Variants in ACKR3 observed in about 807,000 individuals in gnomAD.
ACKR3 encodes C-X-C chemokine receptor type 7.
ACKR3 carries 6 observed loss-of-function variants against 22.4 expected under a neutral mutation model. The ratio of observed to expected loss-of-function variants is 0.27; its 90% CI spans 0.15 to 0.53. ACKR3 has a LOEUF of 0.53. ACKR3 is among the 20% of genes least tolerant of loss of function. ACKR3 has a pLI of 0.96. For missense variants in ACKR3, 396 were observed against 475.2 expected, an observed-to-expected ratio of 0.83 and a Z score of 1.55; for synonymous variants, 209 against 205.2, an observed-to-expected ratio of 1.02 and a Z score of -0.16.
At chr2:236,576,784 A>C (rs1449237707) in intron 1 of ACKR3, among the ~76,000 whole-genome samples, 2 of 152,232 alleles carry the variant, frequency 1.3e-5, no homozygotes, top group African/African-American at 4.8e-5. Context: ...GTCAAATAAT[A>C]ATCTGTTTGC....
the ACKR3 span, among the ~76,000 whole-genome samples, chr2:236,545,380 G>A: frequency 1.5e-4 from 23 of 152,228 alleles, no homozygotes; most frequent in East Asian, 3.5e-3. The surrounding 1 kb of genome is among the most constrained non-coding windows in gnomAD (Gnocchi z 5.3). Context: ...CAGGCTTTCC[G>A]CTTCATTTAC....
chr2:236,540,840 A>G, the ACKR3 span, among the ~76,000 whole-genome samples: 2 of 152,240 alleles, frequency 1.3e-5, no homozygotes, highest in African/African-American at 4.8e-5. Flanking sequence ...ATCCTGCTCC[A>G]TGAATTTGCA....
chr2:236,571,025 C>G (rs1691296753), intron 1 of ACKR3, among the ~76,000 whole-genome samples: 1 of 152,164 alleles, frequency 6.6e-6, no homozygotes, highest in Admixed American at 6.5e-5. Flanking sequence ...TTTTTAAAGG[C>G]AGATGCTGCT....
chr2:236,554,020 C>T, the ACKR3 span, among the ~76,000 whole-genome samples: 1 of 152,156 alleles, frequency 6.6e-6, no homozygotes, highest in Non-Finnish European at 1.5e-5. Flanking sequence ...CATGAGGACA[C>T]AGTACACCAG....
Position 236,577,497 on chromosome 2 carries a change from G to T in ACKR3, c.-26-2943G>T, listed in dbSNP as rs938774455. The stretch of plus-strand genomic sequence containing the variant: ...GAAGGCTGCTGGTAGCTCAAAGCGG[G>T]TGAGTGTCTATTTTGTGCTAAGAGT... On this transcript the variant is annotated intron_variant, in intron 1 of 1. Coordinates refer to ENST00000272928, the MANE Select transcript of ACKR3 (RefSeq NM_020311.3). The surrounding 1 kb of genome is among the most constrained non-coding windows in gnomAD (Gnocchi z 5.6). Among the ~76,000 whole-genome samples, 1 of 152,132 alleles carries T rather than the reference G, an allele frequency of 6.6e-6. No individual in the cohort carries two copies. The highest frequency in any genetic ancestry group is 1.5e-5 in the Non-Finnish European group (1 of 68,018).
the ACKR3 span, among the ~76,000 whole-genome samples, chr2:236,540,915 AC>A: frequency 6.6e-6 from 1 of 152,234 alleles, no homozygotes; most frequent in Non-Finnish European, 1.5e-5. Flanking sequence ...TATTTAAATC[AC>A]TTGTACCCAA....
At chr2:236,544,014 A>G in the ACKR3 span, among the ~76,000 whole-genome samples, 30,245 of 123,520 alleles carry the variant, frequency 0.24, 4,985 homozygotes, top group African/African-American at 0.47. This position sits in a 1 kb window ranked among gnomAD's most constrained non-coding sequence, Gnocchi z 5.0. Flanking sequence ...TTTTTGAGAC[A>G]GAGTCTTGCT....
the ACKR3 span, among the ~76,000 whole-genome samples, chr2:236,556,994 C>T: frequency 6.6e-6 from 1 of 152,132 alleles, no homozygotes; most frequent in African/African-American, 2.4e-5. Context: ...GGCCATTTGT[C>T]TTGTTTTAAG....
At chr2:236,547,785 A>C in the ACKR3 span, among the ~76,000 whole-genome samples, 4 of 151,974 alleles carry the variant, frequency 2.6e-5, no homozygotes, top group Non-Finnish European at 5.9e-5. Context: ...TTCTTTGTGC[A>C]GTCTGCCTTT....
the ACKR3 span, among the ~76,000 whole-genome samples, chr2:236,539,306 C>CTTTTTTTTTTTTTT: frequency 7.5e-4 from 90 of 120,736 alleles, no homozygotes; most frequent in African/African-American, 2.0e-3. Flanking sequence ...TTTTTCTTTT[C>CTTTTTTTTTTTTTT]TTTTTTTTTT....
chr2:236,571,556 G>A (rs564071493), intron 1 of ACKR3, among the ~76,000 whole-genome samples: 6 of 142,224 alleles, frequency 4.2e-5, no homozygotes, highest in African/African-American at 1.6e-4. Flanking sequence ...TCGTTGAAGC[G>A]TTGAGAAGGT....
chr2:236,544,462 G>A, the ACKR3 span, among the ~76,000 whole-genome samples: 1 of 152,188 alleles, frequency 6.6e-6, no homozygotes, highest in East Asian at 1.9e-4. The surrounding 1 kb of genome is among the most constrained non-coding windows in gnomAD (Gnocchi z 5.0). Flanking sequence ...GCAGGTCGGA[G>A]AAAATGACTG....
the ACKR3 span, among the ~76,000 whole-genome samples, chr2:236,540,228 T>C: frequency 1.3e-5 from 2 of 152,246 alleles, no homozygotes; most frequent in Non-Finnish European, 2.9e-5. Flanking sequence ...ATTGTAGTAA[T>C]TGTAAAATAG....
upstream of ACKR3, among the ~76,000 whole-genome samples, chr2:236,569,233 TACAA>T (rs1691255131): frequency 6.6e-6 from 1 of 152,250 alleles, no homozygotes; most frequent in Non-Finnish European, 1.5e-5. Context: ...TAAAGTCCTT[TACAA>T]ATAAAAGTAT....
At chr2:236,571,086 C>A (rs77240215) in intron 1 of ACKR3, among the ~76,000 whole-genome samples, 1 of 152,272 alleles carries the variant, frequency 6.6e-6, no homozygotes, top group African/African-American at 2.4e-5. Flanking sequence ...CAGCTAGGCA[C>A]GCCTAGCAAA....
chr2:236,580,570 C>T lies in ACKR3; in HGVS notation c.105C>T (p.Pro35=). 1 of 1,613,748 alleles carries T rather than the reference C, an allele frequency of 6.2e-7. No individual in the cohort carries two copies. The highest frequency in any genetic ancestry group is 8.5e-7 in the Non-Finnish European group (1 of 1,179,832). The stretch of plus-strand genomic sequence containing the variant: ...TCGTGGTGGACACGGTGATGTGTCC[C>T]AACATGCCCAACAAAAGCGTCCTGC... ...DCIVVDTVMC[P]NMPNKSVLLY... Residue 35 remains proline (P), a synonymous_variant, in exon 2 of 2, where the codon CCC becomes CCT. Transcript: ENST00000272928.
At chr2:236,561,456 AAAT>A in the ACKR3 span, among the ~76,000 whole-genome samples, 2 of 151,948 alleles carry the variant, frequency 1.3e-5, no homozygotes, top group Admixed American at 1.3e-4. Context: ...GTCGTTTGTT[AAAT>A]CTATTCCTAT....
chr2:236,543,962 TA>T, the ACKR3 span, among the ~76,000 whole-genome samples: 1 of 58,684 alleles, frequency 1.7e-5, no homozygotes, highest in African/African-American at 1.4e-4. Flanking sequence ...TATATATATA[TA>T]TATATATATA....
chr2:236,552,337 C>G, the ACKR3 span, among the ~76,000 whole-genome samples: 1 of 152,134 alleles, frequency 6.6e-6, no homozygotes, highest in African/African-American at 2.4e-5. Flanking sequence ...ATCTGAAGTT[C>G]ATTCAACTAC....
Sources: allele counts gnomAD v4.1 joint callset (sites outside exome capture counted in the v4.1 genomes callset), GRCh38; gene constraint gnomAD v4.1.1; non-coding constraint Gnocchi (gnomAD v3.1); transcripts MANE v1.5; gene names NCBI Gene and HGNC (gene_info 2026-07-23, HGNC 2026-07-21).